The following VPS41 variants were observed in gnomAD, a reference collection of about 807,000 sequenced individuals.
The protein encoded by VPS41 is VPS41 subunit of HOPS complex.
A neutral mutation model predicts 130.9 loss-of-function variants in VPS41; 85 were observed. That is an observed-to-expected ratio of 0.65 (90% CI 0.55 to 0.78). The LOEUF (loss-of-function observed/expected upper bound fraction) is 0.78. Among genes scored for constraint, VPS41 ranks in the 30% least tolerant of loss-of-function variants. The probability of loss-of-function intolerance (pLI) is 0.00; values close to 1 mark genes in which losing one functional copy is unlikely to be tolerated. For synonymous variants in VPS41, 335 were observed against 332.9 expected, an observed-to-expected ratio of 1.01 and a Z score of -0.07; for missense variants, 874 against 1,018.7, an observed-to-expected ratio of 0.86 and a Z score of 1.93.
At chr7:38,796,006 C>T (rs1784611362) in intron 8 of VPS41, among the ~76,000 whole-genome samples, 3 of 152,180 alleles carry the variant, frequency 2.0e-5, no homozygotes, top group African/African-American at 7.2e-5. Context: ...AAGAAAACTA[C>T]ATCTGACATT....
chr7:38,890,475 T>C (rs1168065789), intron 2 of VPS41, among the ~76,000 whole-genome samples: 1 of 152,156 alleles, frequency 6.6e-6, no homozygotes, highest in African/African-American at 2.4e-5. Context: ...GGTGGTTACA[T>C]GAATCTTCAC....
chr7:38,835,134 A>T (rs1305800844), intron 4 of VPS41, among the ~76,000 whole-genome samples: 1 of 152,000 alleles, frequency 6.6e-6, no homozygotes, highest in Non-Finnish European at 1.5e-5. Flanking sequence ...TACAGGTATA[A>T]GTACTTGTGT....
intron 22 of VPS41, among the ~76,000 whole-genome samples, chr7:38,747,914 A>G (rs189348680): frequency 1.3e-5 from 2 of 152,344 alleles, no homozygotes; most frequent in Admixed American, 1.3e-4. Context: ...TCTGAAGGTA[A>G]GCTGAAGTTA....
intron 7 of VPS41, among the ~76,000 whole-genome samples, chr7:38,800,837 AAAAT>A (rs144799613): frequency 1.3e-5 from 2 of 151,956 alleles, no homozygotes; most frequent in African/African-American, 4.8e-5. Flanking sequence ...ACTCTGTCTC[AAAAT>A]AAATAAATAA....
At chr7:38,771,700 T>A (rs1436518161) in intron 13 of VPS41, among the ~76,000 whole-genome samples, 1 of 152,242 alleles carries the variant, frequency 6.6e-6, no homozygotes, top group African/African-American at 2.4e-5. Context: ...CATGTTTATG[T>A]ATATCTAAAA....
chr7:38,821,936 C>T (rs1213745388), intron 5 of VPS41, among the ~76,000 whole-genome samples: 1 of 151,976 alleles, frequency 6.6e-6, no homozygotes, highest in African/African-American at 2.4e-5. Context: ...ACTATTTTTT[C>T]ATCCCTTAAA....
At chr7:38,765,486 C>T in intron 16 of VPS41, 94 bp downstream of exon 16, 1 of 830,498 alleles carries the variant, frequency 1.2e-6, no homozygotes, top group Non-Finnish European at 1.9e-6. Flanking sequence ...TAATCACGTC[C>T]TAAAAAAGAG....
chr7:38,750,928 A>G (rs1347530905), intron 22 of VPS41, among the ~76,000 whole-genome samples: 2 of 152,216 alleles, frequency 1.3e-5, no homozygotes, highest in African/African-American at 2.4e-5. Flanking sequence ...ATGAAGGAGC[A>G]CTGTTCAAAG....
intron 11 of VPS41, chr7:38,775,098 G>A (rs1006165550): frequency 1.1e-4 from 16 of 152,052 alleles, no homozygotes; most frequent in African/African-American, 3.9e-4. Flanking sequence ...GGCTATTTGG[G>A]GGATAATACT....
intron 1 of VPS41, among the ~76,000 whole-genome samples, chr7:38,899,668 G>C (rs575195685): frequency 1.3e-5 from 2 of 152,218 alleles, no homozygotes; most frequent in East Asian, 3.9e-4. Flanking sequence ...GGTTGGAAGA[G>C]TGAGGCTTAG....
rs967736964 is a variant in VPS41, at chr7:38,888,246, T to G, written c.60+9845A>C. 2.6e-5 allele frequency among the ~76,000 whole-genome samples: 4 copies of G among 151,952 alleles called. 1 individual carries two copies. Among genetic ancestry groups the G allele is most frequent in the African/African-American group, 9.7e-5 (4 of 41,412 alleles). On this transcript the variant is annotated intron_variant, in intron 2 of 28. Coordinates refer to ENST00000310301, the MANE Select transcript of VPS41 (RefSeq NM_014396.4). Reference sequence around the variant, plus strand: ...AGACACAGACGCAAACTGGATAGAGTCAAGACCCATTGGTGTGCAGTATTC... The same window carrying G: ...AGACACAGACGCAAACTGGATAGAGGCAAGACCCATTGGTGTGCAGTATTC...
intron 5 of VPS41, among the ~76,000 whole-genome samples, chr7:38,821,706 C>CAAAAAAAAAAAAAA (rs10669199): frequency 8.5e-6 from 1 of 117,488 alleles, no homozygotes; most frequent in East Asian, 2.5e-4. Flanking sequence ...GACTCCGTCT[C>CAAAAAAAAAAAAAA]AAAAAAAAAA....
intron 10 of VPS41, among the ~76,000 whole-genome samples, chr7:38,786,486 C>G (rs7777039): frequency 0.72 from 109,302 of 152,060 alleles, 40,942 homozygotes; most frequent in African/African-American, 0.91. Flanking sequence ...TGAGTCTACA[C>G]TACTGAGCGG....
At chr7:38,896,307 C>A (rs1247026873) in intron 2 of VPS41, among the ~76,000 whole-genome samples, 1 of 152,212 alleles carries the variant, frequency 6.6e-6, no homozygotes, top group African/African-American at 2.4e-5. Context: ...CTTTTCAATA[C>A]TGTATGAGAA....
At chr7:38,802,172 C>T (rs1784739944) in intron 7 of VPS41, among the ~76,000 whole-genome samples, 1 of 152,110 alleles carries the variant, frequency 6.6e-6, no homozygotes, top group Non-Finnish European at 1.5e-5. Context: ...TAAGTAATTG[C>T]AGCTCTTTTA....
At chr7:38,778,673 G>A (rs1310100783) in intron 10 of VPS41, among the ~76,000 whole-genome samples, 1 of 152,128 alleles carries the variant, frequency 6.6e-6, no homozygotes, top group Non-Finnish European at 1.5e-5. Context: ...GAAGAGCAGA[G>A]AATCAGAGAT....
chr7:38,907,010 C>T (rs1010112149), intron 1 of VPS41, among the ~76,000 whole-genome samples: 3 of 150,978 alleles, frequency 2.0e-5, no homozygotes, highest in African/African-American at 4.9e-5. Flanking sequence ...ATTGGACATA[C>T]AGCAGTGAAC....
intron 1 of VPS41, among the ~76,000 whole-genome samples, chr7:38,900,771 C>T (rs1299994682): frequency 1.3e-5 from 2 of 152,188 alleles, no homozygotes; most frequent in African/African-American, 2.4e-5. Flanking sequence ...TTGCCTTCAG[C>T]ACCACTACGA....
intron 25 of VPS41, among the ~76,000 whole-genome samples, chr7:38,740,937 G>A (rs1308846864): frequency 1.3e-5 from 2 of 152,024 alleles, no homozygotes; most frequent in African/African-American, 2.4e-5. Flanking sequence ...CCATGACTCC[G>A]CTTCAGAAAC....
Sources: gnomAD v4.1 joint callset for allele counts (sites outside exome capture counted in the v4.1 genomes callset) on GRCh38, gnomAD v4.1.1 for gene constraint, MANE v1.5 for transcripts, NCBI Gene and HGNC (gene_info 2026-07-23, HGNC 2026-07-21) for gene names.